The following PIK3C3 variants were observed in gnomAD, a reference collection of about 807,000 sequenced individuals.
PIK3C3 encodes the protein phosphatidylinositol 3-kinase catalytic subunit type 3.
In PIK3C3, 95 loss-of-function variants were observed where a neutral mutation model predicts 126.1. The observed-to-expected ratio is 0.75, with a 90% confidence interval of 0.64 to 0.89. The LOEUF is 0.89. Among genes scored for constraint, PIK3C3 ranks in the 40% least tolerant of loss-of-function variants. PIK3C3 has a pLI of 0.00. For synonymous variants in PIK3C3, 374 were observed against 360.0 expected (o/e 1.04, Z -0.44); for missense variants, 829 against 1,063.2 (o/e 0.78, Z 3.06).
chr18:42,075,208 T>G (rs941395665), intron 24 of PIK3C3, among the ~76,000 whole-genome samples: 4 of 152,136 alleles, frequency 2.6e-5, no homozygotes, highest in Admixed American at 1.3e-4. Context: ...ATTTTATCAT[T>G]AGGAATGAAG....
chr18:42,023,837 C>T (rs1051555088), intron 13 of PIK3C3, among the ~76,000 whole-genome samples: 5 of 152,064 alleles, frequency 3.3e-5, no homozygotes, highest in African/African-American at 1.2e-4. Flanking sequence ...GTGCTGTTTC[C>T]TTTGAACACT....
chr18:42,080,102 C>A (rs902511038), intron 24 of PIK3C3, among the ~76,000 whole-genome samples: 1 of 152,022 alleles, frequency 6.6e-6, no homozygotes, highest in Non-Finnish European at 1.5e-5. Flanking sequence ...ATCTGAGACA[C>A]TTCCTGGCAC....
chr18:42,073,497 C>T (rs1429110086), intron 24 of PIK3C3, among the ~76,000 whole-genome samples: 3 of 152,188 alleles, frequency 2.0e-5, no homozygotes, highest in African/African-American at 4.8e-5. Context: ...TATCAAGTGC[C>T]TCTCATGCAT....
intron 10 of PIK3C3, among the ~76,000 whole-genome samples, chr18:42,009,903 A>G (rs1454596770): frequency 6.6e-6 from 1 of 152,138 alleles, no homozygotes; most frequent in Non-Finnish European, 1.5e-5. Context: ...CTTGATGTTT[A>G]TGACAACTGA....
intron 13 of PIK3C3, chr18:42,025,558 C>T (rs1273972047): frequency 6.6e-6 from 1 of 152,184 alleles, no homozygotes; most frequent in Non-Finnish European, 1.5e-5. Context: ...TTTGTGAACC[C>T]TGCTACATGA....
At chr18:42,031,324 A>T (rs943851241) in intron 15 of PIK3C3, among the ~76,000 whole-genome samples, 2 of 152,152 alleles carry the variant, frequency 1.3e-5, no homozygotes, top group African/African-American at 4.8e-5. Flanking sequence ...GAAGATGATA[A>T]TGTTGTCTTC....
intron 15 of PIK3C3, among the ~76,000 whole-genome samples, chr18:42,032,029 T>C (rs996551890): frequency 1.3e-5 from 2 of 152,222 alleles, no homozygotes; most frequent in African/African-American, 4.8e-5. Context: ...GGAAGGGGGA[T>C]TAGGCAGTAC....
chr18:42,012,047 A>T (rs1982849344), intron 10 of PIK3C3, among the ~76,000 whole-genome samples: 1 of 152,182 alleles, frequency 6.6e-6, no homozygotes, highest in South Asian at 2.1e-4. Flanking sequence ...ATAACAGATA[A>T]AATAATAATG....
chr18:42,001,299 G>T (rs1010389249), intron 9 of PIK3C3, among the ~76,000 whole-genome samples: 1 of 152,170 alleles, frequency 6.6e-6, no homozygotes, highest in African/African-American at 2.4e-5. Flanking sequence ...ACAAGCCTAT[G>T]AAAAAGGTCT....
rs530554640 is a variant in PIK3C3 at position 41,962,307 on chromosome 18, G to A, written c.258-182G>A. Among the ~76,000 whole-genome samples, 51 of 151,958 alleles carry A rather than the reference G, an allele frequency of 3.4e-4. No individual in the cohort carries two copies. The South Asian group carries it at 0.01, about 31-fold the overall frequency. On this transcript the variant is annotated intron_variant, in intron 2 of 24. Transcript: ENST00000262039. Reference sequence around the variant, plus strand: ...TCATGAGCTCTATTAAAACAATTATGTTTTTATTTAAAATGGAAAGTTGCC... The same window carrying A: ...TCATGAGCTCTATTAAAACAATTATATTTTTATTTAAAATGGAAAGTTGCC...
intron 7 of PIK3C3, among the ~76,000 whole-genome samples, chr18:41,994,390 C>G (rs1279536228): frequency 6.6e-6 from 1 of 152,130 alleles, no homozygotes; most frequent in Non-Finnish European, 1.5e-5. Flanking sequence ...TGAAGAAATT[C>G]AGTTCAGCCT....
intron 16 of PIK3C3, among the ~76,000 whole-genome samples, chr18:42,034,947 A>G (rs934763413): frequency 1.3e-5 from 2 of 152,220 alleles, no homozygotes; most frequent in Non-Finnish European, 2.9e-5. Flanking sequence ...TCATATGACT[A>G]AAACATAAGT....
intron 24 of PIK3C3, among the ~76,000 whole-genome samples, chr18:42,071,760 T>C (rs930353351): frequency 3.3e-5 from 5 of 150,980 alleles, no homozygotes; most frequent in African/African-American, 1.2e-4. Context: ...GAAAACTTAG[T>C]TAGTTGTTCT....
chr18:42,067,313 C>A, intron 23 of PIK3C3, 75 bp from the exon 24 acceptor site: 1 of 1,298,628 alleles, frequency 7.7e-7, no homozygotes, highest in Non-Finnish European at 1.1e-6. Flanking sequence ...ATAATGTCTG[C>A]ATCAGTTTGA....
At chr18:42,005,565 T>C (rs1173586340) in intron 10 of PIK3C3, among the ~76,000 whole-genome samples, 51 of 152,180 alleles carry the variant, frequency 3.4e-4, no homozygotes. Flanking sequence ...GTGAATATGT[T>C]CTTAAACATA....
chr18:41,961,373 A>G (rs749884914), intron 2 of PIK3C3, among the ~76,000 whole-genome samples: 1 of 152,166 alleles, frequency 6.6e-6, no homozygotes, highest in African/African-American at 2.4e-5. Flanking sequence ...TAGTAATTAG[A>G]TAATTTTATT....
chr18:42,067,514 G>GT lies in PIK3C3; in HGVS notation c.2649+2dup. On this transcript the variant is annotated splice_donor_variant, in intron 24 of 24. Coordinates refer to ENST00000262039, the MANE Select transcript of PIK3C3 (RefSeq NM_002647.4). LOFTEE classifies it high-confidence loss of function. Reference sequence around the variant, plus strand: ...GGAACAGATTCACAAGTTTGCCCAGGTAAGTTCCCTGAGTGCAGTGCATTT... The same window carrying GT: ...GGAACAGATTCACAAGTTTGCCCAGGTTAAGTTCCCTGAGTGCAGTGCATTT... 1 of 1,614,048 alleles carries GT rather than the reference G, an allele frequency of 6.2e-7. No individual in the cohort carries two copies. The highest frequency in any genetic ancestry group is 1.3e-5 in the African/African-American group (1 of 75,044).
intron 21 of PIK3C3, among the ~76,000 whole-genome samples, chr18:42,057,361 G>A (rs917734653): frequency 3.3e-5 from 5 of 152,030 alleles, no homozygotes; most frequent in African/African-American, 1.2e-4. Flanking sequence ...AGTGATAGGT[G>A]ATATATTATT....
At chr18:42,030,619 A>G (rs1983778580) in intron 15 of PIK3C3, among the ~76,000 whole-genome samples, 1 of 152,224 alleles carries the variant, frequency 6.6e-6, no homozygotes, top group African/African-American at 2.4e-5. Context: ...AGGGGAAAAC[A>G]GGCTGAGAGG....
Sources: gnomAD v4.1 joint callset for allele counts (sites outside exome capture counted in the v4.1 genomes callset) on GRCh38, gnomAD v4.1.1 for gene constraint, MANE v1.5 for transcripts, NCBI Gene and HGNC (gene_info 2026-07-23, HGNC 2026-07-21) for gene names.